The following LRP1B variants were observed in gnomAD, a reference collection of about 807,000 sequenced individuals.
The protein encoded by LRP1B is LDL receptor related protein 1B.
A neutral mutation model predicts 556.6 loss-of-function variants in LRP1B; 217 were observed. The ratio of observed to expected loss-of-function variants is 0.39; its 90% CI spans 0.35 to 0.44. LRP1B has a LOEUF of 0.44. Ranked by LOEUF, LRP1B falls within the 20% of genes least tolerant of loss-of-function variation. LRP1B has a pLI of 1.00. For missense variants in LRP1B, 5,053 were observed against 5,620.8 expected, an observed-to-expected ratio of 0.90 and a Z score of 3.23; for synonymous variants, 2,047 against 1,865.8, an observed-to-expected ratio of 1.10 and a Z score of -2.50.
At position 141,892,521 on chromosome 2, in the gene LRP1B, C is replaced by A. The variant is rs1699321847; in HGVS notation, c.83-82120G>T. 2.0e-5 allele frequency among the ~76,000 whole-genome samples: 3 copies of A among 152,030 alleles called. No homozygotes were observed. The South Asian group carries it at 6.2e-4, about 32-fold the overall frequency. On this transcript the variant is annotated intron_variant, in intron 1 of 90. Coordinates refer to ENST00000389484, the MANE Select transcript of LRP1B (RefSeq NM_018557.3). ...ATGCATTGAAGCTTCTATGTCTAAT[C>A]CCTATAAAGGAATAGCTGTGAAAAG...
intron 11 of LRP1B, among the ~76,000 whole-genome samples, chr2:141,025,653 G>C (rs555562781): frequency 6.6e-6 from 1 of 152,136 alleles, no homozygotes; most frequent in African/African-American, 2.4e-5. Flanking sequence ...TGGGTCTCCA[G>C]CCTGCTGATG....
intron 2 of LRP1B, among the ~76,000 whole-genome samples, chr2:141,506,595 T>A (rs953998837): frequency 6.6e-6 from 1 of 152,118 alleles, no homozygotes; most frequent in African/African-American, 2.4e-5. Context: ...ACAGGCTGTA[T>A]AGGATGTGGG....
intron 43 of LRP1B, among the ~76,000 whole-genome samples, chr2:140,583,368 G>A (rs964872467): frequency 2.6e-5 from 4 of 151,516 alleles, no homozygotes; most frequent in African/African-American, 9.7e-5. Context: ...TATAGATGGG[G>A]TTTCACCACG....
In LRP1B at chr2:140,883,677, C is replaced by T; in HGVS notation, c.4169+140G>A. On this transcript the variant is annotated intron_variant, in intron 25 of 90. Coordinates refer to ENST00000389484, the MANE Select transcript of LRP1B (RefSeq NM_018557.3). Reference sequence around the variant, plus strand: ...CAACTCACATACCTACCCCCACCTCCCCGCCCCCGCCACACACACACATAC... The same window carrying T: ...CAACTCACATACCTACCCCCACCTCTCCGCCCCCGCCACACACACACATAC... The T allele has an allele frequency of 7.2e-6, 3 of 416,554 alleles. 1 individual carries two copies. The allele number at this position is 416,554 out of a possible 1,614,324, so 25.8% of individuals were successfully genotyped here. A position where few individuals can be genotyped will look rare whatever the true frequency, so the allele number is the denominator to read the frequency against.
At chr2:140,701,385 C>T (rs1243971108) in intron 40 of LRP1B, among the ~76,000 whole-genome samples, 1 of 151,888 alleles carries the variant, frequency 6.6e-6, no homozygotes, top group Non-Finnish European at 1.5e-5. Context: ...TTTCAACTGC[C>T]TTTTATTAAT....
At chr2:140,493,294 T>C (rs1688781724) in intron 56 of LRP1B, among the ~76,000 whole-genome samples, 1 of 152,200 alleles carries the variant, frequency 6.6e-6, no homozygotes, top group African/African-American at 2.4e-5. Flanking sequence ...CTTATCAGCT[T>C]GTCCAATGTC....
chr2:140,396,261 CCTA>C (rs2105219311), intron 66 of LRP1B, among the ~76,000 whole-genome samples: 1 of 152,232 alleles, frequency 6.6e-6, no homozygotes, highest in South Asian at 2.1e-4. Context: ...TTTTATTTTT[CCTA>C]CTATTTATTC....
At chr2:140,538,125 TA>T (rs1180924069) in intron 45 of LRP1B, among the ~76,000 whole-genome samples, 1 of 152,174 alleles carries the variant, frequency 6.6e-6, no homozygotes, top group East Asian at 1.9e-4. Flanking sequence ...AAACAGCCAC[TA>T]ATACTATTTG....
At chr2:141,245,207 A>C (rs1389060968) in intron 5 of LRP1B, among the ~76,000 whole-genome samples, 1 of 152,202 alleles carries the variant, frequency 6.6e-6, no homozygotes, top group East Asian at 1.9e-4. Context: ...AACCTGACCT[A>C]ATTTTTCTCA....
At chr2:141,800,912 A>G (rs1272148515) in intron 2 of LRP1B, among the ~76,000 whole-genome samples, 2 of 152,208 alleles carry the variant, frequency 1.3e-5, no homozygotes, top group African/African-American at 4.8e-5. Flanking sequence ...AAGCATTTAT[A>G]TATTACGAGA....
At chr2:141,524,558 T>A (rs1344339305) in intron 2 of LRP1B, among the ~76,000 whole-genome samples, 1 of 152,128 alleles carries the variant, frequency 6.6e-6, no homozygotes, top group Non-Finnish European at 1.5e-5. Context: ...ATTGTAAGTT[T>A]TTTTTTGTTT....
chr2:140,964,748 T>A (rs1696148280), intron 18 of LRP1B, among the ~76,000 whole-genome samples: 1 of 152,136 alleles, frequency 6.6e-6, no homozygotes. Flanking sequence ...AAGATCTATA[T>A]CTGGTATAAC....
At chr2:141,741,307 G>A (rs865785742) in intron 2 of LRP1B, among the ~76,000 whole-genome samples, 9 of 124,872 alleles carry the variant, frequency 7.2e-5, no homozygotes, top group Middle Eastern at 5.7e-3. Context: ...ATATATCTAG[G>A]AGTAGGATTA....
At chr2:141,020,498 C>A (rs947657547) in intron 11 of LRP1B, among the ~76,000 whole-genome samples, 3 of 151,972 alleles carry the variant, frequency 2.0e-5, no homozygotes, top group Non-Finnish European at 4.4e-5. Flanking sequence ...GAAAAATCTA[C>A]TAGTACTGTG....
chr2:140,675,372 T>C (rs1441463), intron 41 of LRP1B, among the ~76,000 whole-genome samples: 4,707 of 152,294 alleles, frequency 0.031, 222 homozygotes, highest in African/African-American at 0.097. Flanking sequence ...AAACATGCAT[T>C]TTAAGTTAAT....
intron 43 of LRP1B, among the ~76,000 whole-genome samples, chr2:140,573,373 A>G (rs761238839): frequency 2.0e-5 from 3 of 151,930 alleles, no homozygotes; most frequent in Non-Finnish European, 4.4e-5. Context: ...CTTCATTATA[A>G]CTAAAAGAAT....
intron 35 of LRP1B, among the ~76,000 whole-genome samples, chr2:140,732,936 A>G (rs1385015213): frequency 2.6e-5 from 4 of 152,146 alleles, no homozygotes; most frequent in Admixed American, 2.6e-4. Context: ...ACTTGTTCTG[A>G]AATAGCTATC....
intron 2 of LRP1B, among the ~76,000 whole-genome samples, chr2:141,577,159 G>A (rs1044715241): frequency 1.3e-5 from 2 of 152,152 alleles, no homozygotes; most frequent in African/African-American, 4.8e-5. Flanking sequence ...AATCTGTAAA[G>A]TAGTAGCATA....
At chr2:142,087,825 T>C (rs1419675864) in intron 1 of LRP1B, among the ~76,000 whole-genome samples, 1 of 152,082 alleles carries the variant, frequency 6.6e-6, no homozygotes, top group Non-Finnish European at 1.5e-5. Flanking sequence ...AATTTGCACA[T>C]AGATAGCAAG....
Sources: gnomAD v4.1 joint callset for allele counts (sites outside exome capture counted in the v4.1 genomes callset) on GRCh38, gnomAD v4.1.1 for gene constraint, MANE v1.5 for transcripts, NCBI Gene and HGNC (gene_info 2026-07-23, HGNC 2026-07-21) for gene names.